CSMD1: variants seen among roughly 807,000 people sequenced by gnomAD.
CSMD1 encodes the protein CUB and sushi domain-containing protein 1.
A neutral mutation model predicts 417.5 loss-of-function variants in CSMD1; 213 were observed. The ratio of observed to expected loss-of-function variants is 0.51; its 90% CI spans 0.46 to 0.57. CSMD1 has a LOEUF of 0.57. Ranked by LOEUF, CSMD1 falls within the 20% of genes least tolerant of loss-of-function variation. CSMD1 has a pLI of 0.00. For missense variants in CSMD1, 6,923 were observed against 4,529.7 expected (o/e 1.53, Z -15.17); for synonymous variants, 2,862 against 1,736.8 (o/e 1.65, Z -16.11).
At chr8:4,344,955 G>T (rs1800697365) in intron 3 of CSMD1, among the ~76,000 whole-genome samples, 1 of 152,062 alleles carries the variant, frequency 6.6e-6, no homozygotes, top group African/African-American at 2.4e-5. Context: ...AATGTGCAAA[G>T]ATTAAGGAAT....
chr8:4,722,681 T>C (rs562724976), intron 1 of CSMD1, among the ~76,000 whole-genome samples: 2 of 152,278 alleles, frequency 1.3e-5, no homozygotes, highest in Admixed American at 1.3e-4. Context: ...AAAAAAAAGT[T>C]TCTAATTTTT....
At chr8:4,217,651 C>A (rs533092065) in intron 3 of CSMD1, among the ~76,000 whole-genome samples, 4 of 115,472 alleles carry the variant, frequency 3.5e-5, no homozygotes, top group African/African-American at 1.1e-4. Flanking sequence ...CTCAGTTGAC[C>A]TCATCAGAAA....
At chr8:3,946,028 G>A (rs778038941) in intron 5 of CSMD1, among the ~76,000 whole-genome samples, 13 of 152,050 alleles carry the variant, frequency 8.5e-5, no homozygotes, top group South Asian at 2.1e-4. Flanking sequence ...AACATTCTAC[G>A]ATGTAGGCGC....
At chr8:4,734,594 A>G (rs2116973513) in intron 1 of CSMD1, among the ~76,000 whole-genome samples, 1 of 152,358 alleles carries the variant, frequency 6.6e-6, no homozygotes, top group Middle Eastern at 3.4e-3. Context: ...CTGTTTAACA[A>G]AATACAACTA....
At chr8:4,813,785 G>A (rs770916283) in intron 1 of CSMD1, among the ~76,000 whole-genome samples, 5 of 152,184 alleles carry the variant, frequency 3.3e-5, no homozygotes, top group Non-Finnish European at 7.3e-5. Flanking sequence ...ACTGTTGCTT[G>A]AGAATGTCTA....
chr8:4,360,882 T>A lies in CSMD1; in HGVS notation c.415+59071A>T, dbSNP rs116470905. Among the ~76,000 whole-genome samples, 1,349 of 152,280 alleles carry A rather than the reference T, an allele frequency of 8.9e-3. 20 individuals carry two copies. The highest frequency in any genetic ancestry group is 0.03 in the African/African-American group (1,253 of 41,554). ...TCTATCTTTAATATTGGTAAAGCAC[T>A]GACAGGTCCCCTGAAAGTAGAATTA... On this transcript the variant is annotated intron_variant, in intron 3 of 69. Coordinates refer to ENST00000635120, the MANE Select transcript of CSMD1 (RefSeq NM_033225.6).
chr8:3,860,862 A>G (rs552148812), intron 5 of CSMD1, among the ~76,000 whole-genome samples: 4 of 152,328 alleles, frequency 2.6e-5, no homozygotes, highest in South Asian at 4.1e-4. Context: ...TCATGAAAAG[A>G]TCCAAAGTTC....
At chr8:4,440,583 C>G (rs566470761) in intron 2 of CSMD1, among the ~76,000 whole-genome samples, 1 of 152,226 alleles carries the variant, frequency 6.6e-6, no homozygotes, top group East Asian at 1.9e-4. Context: ...GATGCAAAAC[C>G]AACTTTAGCA....
intron 1 of CSMD1, among the ~76,000 whole-genome samples, chr8:4,858,680 A>G (rs1260194591): frequency 6.6e-6 from 1 of 151,290 alleles, no homozygotes; most frequent in African/African-American, 2.4e-5. Context: ...TTCAAAGAGA[A>G]TAAAATACCT....
chr8:3,300,281 A>G (rs563304259), intron 25 of CSMD1, among the ~76,000 whole-genome samples: 114 of 152,308 alleles, frequency 7.5e-4, no homozygotes, highest in Middle Eastern at 3.4e-3. Flanking sequence ...ATTTGCATAG[A>G]AAAAATTTTA....
intron 7 of CSMD1, among the ~76,000 whole-genome samples, chr8:3,706,658 A>G (rs1222533472): frequency 4.6e-5 from 7 of 152,200 alleles, no homozygotes; most frequent in Non-Finnish European, 8.8e-5. Flanking sequence ...CTGATGCCCA[A>G]ATGATCGGAT....
At chr8:3,826,339 A>C (rs1050174927) in intron 5 of CSMD1, among the ~76,000 whole-genome samples, 2 of 152,088 alleles carry the variant, frequency 1.3e-5, no homozygotes, top group Admixed American at 6.5e-5. Flanking sequence ...AGCTAAAAGA[A>C]TGTTTGGGTT....
chr8:4,611,788 C>T (rs946295094), intron 2 of CSMD1, among the ~76,000 whole-genome samples: 1 of 152,158 alleles, frequency 6.6e-6, no homozygotes, highest in African/African-American at 2.4e-5. Context: ...CAGTGTTCCT[C>T]TCCTGCTTTG....
chr8:3,940,566 G>C (rs1239937702), intron 5 of CSMD1, among the ~76,000 whole-genome samples: 6 of 143,838 alleles, frequency 4.2e-5, no homozygotes, highest in Non-Finnish European at 7.6e-5. Context: ...TCTTTGTGTG[G>C]ATATAGGTAT....
intron 1 of CSMD1, among the ~76,000 whole-genome samples, chr8:4,769,345 A>G (rs574484001): frequency 2.6e-5 from 4 of 152,340 alleles, no homozygotes; most frequent in African/African-American, 4.8e-5. Context: ...TTAAGTAAGT[A>G]TACTATGGGT....
In CSMD1 at chr8:4,054,379, G is replaced by A. The variant is rs11776704; in HGVS notation, c.416-22280C>T. Among the ~76,000 whole-genome samples the A allele has an allele frequency of 5.4e-3, 828 of 152,206 alleles. 4 individuals carry two copies. In the Middle Eastern group the frequency reaches 0.065, roughly 12 times the overall value. On this transcript the variant is annotated intron_variant, in intron 3 of 69. Coordinates refer to ENST00000635120, the MANE Select transcript of CSMD1 (RefSeq NM_033225.6). Reference sequence around the variant, plus strand: ...TCTGTTGCCTTCATCCCATATAGGGGATGGCCGCCCGAGCCATCTACCCTA... The same window carrying A: ...TCTGTTGCCTTCATCCCATATAGGGAATGGCCGCCCGAGCCATCTACCCTA...
At chr8:4,308,076 G>T (rs13263341) in intron 3 of CSMD1, among the ~76,000 whole-genome samples, 2 of 152,104 alleles carry the variant, frequency 1.3e-5, no homozygotes, top group Non-Finnish European at 2.9e-5. Context: ...ACACACTTTG[G>T]TCTTTATTCG....
At chr8:4,806,261 A>G (rs190680021) in intron 1 of CSMD1, among the ~76,000 whole-genome samples, 1 of 152,308 alleles carries the variant, frequency 6.6e-6, no homozygotes, top group East Asian at 1.9e-4. Context: ...CAGTGTGCAC[A>G]TGCTCGGAGA....
intron 12 of CSMD1, among the ~76,000 whole-genome samples, chr8:3,458,927 T>C (rs550782133): frequency 8.5e-5 from 13 of 152,226 alleles, no homozygotes; most frequent in South Asian, 2.1e-4. Context: ...CAGGGAAACA[T>C]TGGAAGGAAT....
Sources: allele counts gnomAD v4.1 joint callset (sites outside exome capture counted in the v4.1 genomes callset), GRCh38; gene constraint gnomAD v4.1.1; transcripts MANE v1.5; gene names NCBI Gene and HGNC (gene_info 2026-07-23, HGNC 2026-07-21).